NTM: variants seen among roughly 807,000 people sequenced by gnomAD.
NTM encodes the protein neurotrimin.
Under a neutral mutation model 42.1 loss-of-function variants are expected in NTM, and 13 were observed. That is an observed-to-expected ratio of 0.31 (90% CI 0.20 to 0.49). The LOEUF (loss-of-function observed/expected upper bound fraction) is 0.49. Among genes scored for constraint, NTM ranks in the 20% least tolerant of loss-of-function variants. NTM has a pLI of 0.99. For missense variants in NTM, 373 were observed against 452.8 expected (o/e 0.82, Z 1.60); for synonymous variants, 187 against 179.2 (o/e 1.04, Z -0.35).
chr11:131,503,698 C>CTTT (rs35447251), intron 1 of NTM, among the ~76,000 whole-genome samples: 1 of 151,190 alleles, frequency 6.6e-6, no homozygotes, highest in African/African-American at 2.4e-5. Context: ...AATTGTTTCT[C>CTTT]TTTTTTTTGT....
chr11:132,139,200 G>C (rs1415388298), intron 2 of NTM, among the ~76,000 whole-genome samples: 2 of 152,156 alleles, frequency 1.3e-5, no homozygotes, highest in Non-Finnish European at 2.9e-5. Flanking sequence ...TGGTCACCTA[G>C]GGGAAAAAGG....
intron 1 of NTM, among the ~76,000 whole-genome samples, chr11:131,810,872 T>G (rs1346777746): frequency 6.6e-6 from 1 of 152,202 alleles, no homozygotes; most frequent in East Asian, 1.9e-4. Flanking sequence ...ATGGGCATCA[T>G]CTAGTCTAGT....
chr11:132,256,283 A>G (rs1045481993), intron 4 of NTM, among the ~76,000 whole-genome samples: 1 of 152,210 alleles, frequency 6.6e-6, no homozygotes, highest in African/African-American at 2.4e-5. Context: ...AGCATTACTG[A>G]CCAGACCACA....
intron 4 of NTM, among the ~76,000 whole-genome samples, chr11:132,217,691 G>A (rs1036798336): frequency 3.3e-5 from 5 of 151,960 alleles, no homozygotes; most frequent in Admixed American, 3.3e-4. Flanking sequence ...TCAGCTGCCA[G>A]ATCTCTTCCT....
intron 2 of NTM, among the ~76,000 whole-genome samples, chr11:132,134,755 A>ATATATCTC (rs2067541352): frequency 1.2e-5 from 1 of 80,226 alleles, no homozygotes. Flanking sequence ...ATATATATAT[A>ATATATCTC]TATATCTCAC....
intron 2 of NTM, among the ~76,000 whole-genome samples, chr11:132,044,150 G>A (rs1470472356): frequency 0.42 from 54,673 of 129,662 alleles, 12,645 homozygotes; most frequent in East Asian, 0.75. Context: ...GTATGTGCGT[G>A]TGTGTGTGTG....
In NTM at chr11:132,071,363, G is replaced by A. The variant is rs560805079; in HGVS notation, c.168-74919G>A. On this transcript the variant is annotated intron_variant, in intron 2 of 8. Coordinates refer to ENST00000683400, the MANE Select transcript of NTM (RefSeq NM_001352005.2). ...ACACGTCACTCAGCCAAGTTAACAC[G>A]TCACACTGACCATCACAGGTTAGTT... 9.1e-4 allele frequency among the ~76,000 whole-genome samples: 136 copies of A among 150,232 alleles called. 1 individual carries two copies. Among genetic ancestry groups the A allele is most frequent in the Non-Finnish European group, 8.4e-4 (57 of 67,644 alleles).
At chr11:132,186,423 C>G (rs1198815180) in intron 3 of NTM, among the ~76,000 whole-genome samples, 4 of 152,194 alleles carry the variant, frequency 2.6e-5, no homozygotes, top group Non-Finnish European at 5.9e-5. Context: ...AGTCTTGGAT[C>G]TCTAACGCAG....
chr11:131,517,548 C>T (rs2049048454), intron 1 of NTM, among the ~76,000 whole-genome samples: 1 of 152,104 alleles, frequency 6.6e-6, no homozygotes, highest in Admixed American at 6.5e-5. Context: ...TCAGATATGC[C>T]CTCTCCACAG....
intron 2 of NTM, among the ~76,000 whole-genome samples, chr11:132,068,074 C>T (rs1351291945): frequency 2.6e-5 from 4 of 152,174 alleles, no homozygotes; most frequent in Non-Finnish European, 5.9e-5. Context: ...GATATCCATT[C>T]ATATCCAAGG....
At chr11:131,999,522 G>A (rs1315719235) in intron 2 of NTM, among the ~76,000 whole-genome samples, 1 of 152,198 alleles carries the variant, frequency 6.6e-6, no homozygotes, top group African/African-American at 2.4e-5. Context: ...ATGTGAGGAA[G>A]ACTCCACCAC....
intron 1 of NTM, among the ~76,000 whole-genome samples, chr11:131,761,531 CG>C (rs1205731639): frequency 6.6e-6 from 1 of 152,042 alleles, no homozygotes; most frequent in Admixed American, 6.6e-5. Context: ...AAGCCGGGCA[CG>C]GTGGCTCACG....
At chr11:131,483,979 T>G (rs139033428) in intron 1 of NTM, among the ~76,000 whole-genome samples, 4 of 152,308 alleles carry the variant, frequency 2.6e-5, no homozygotes, top group African/African-American at 9.6e-5. Context: ...TGTGTGAACA[T>G]CTCACTGGCT....
intron 1 of NTM, among the ~76,000 whole-genome samples, chr11:131,578,625 T>C (rs534141772): frequency 1.1e-4 from 17 of 152,302 alleles, no homozygotes; most frequent in Middle Eastern, 6.8e-3. Context: ...AGACTCAAAC[T>C]ATATGAAATT....
intron 1 of NTM, among the ~76,000 whole-genome samples, chr11:131,757,526 C>T (rs538026969): frequency 6.6e-6 from 1 of 152,168 alleles, no homozygotes; most frequent in African/African-American, 2.4e-5. Flanking sequence ...TCTCTTCCTG[C>T]CCTTCTAGAA....
At chr11:132,118,192 TA>T (rs1170979940) in intron 2 of NTM, among the ~76,000 whole-genome samples, 1 of 152,174 alleles carries the variant, frequency 6.6e-6, no homozygotes, top group Non-Finnish European at 1.5e-5. Flanking sequence ...GTTGAGCAGA[TA>T]AGCTTTTTTT....
intron 2 of NTM, among the ~76,000 whole-genome samples, chr11:132,052,801 G>GTGTGTA (rs1194802021): frequency 6.6e-6 from 1 of 151,658 alleles, no homozygotes; most frequent in Non-Finnish European, 1.5e-5. Flanking sequence ...GTGTGTGTGT[G>GTGTGTA]TGTAAATGCT....
chr11:131,494,294 G>A (rs112217496), intron 1 of NTM, among the ~76,000 whole-genome samples: 9 of 152,308 alleles, frequency 5.9e-5, no homozygotes, highest in African/African-American at 2.2e-4. Context: ...ACCCCCAGGA[G>A]CTATGATCAG....
intron 1 of NTM, among the ~76,000 whole-genome samples, chr11:131,756,811 A>C (rs1019806845): frequency 1.3e-5 from 2 of 152,228 alleles, no homozygotes; most frequent in South Asian, 4.1e-4. Context: ...ACCATAACAC[A>C]TAGTCCTAGG....
Sources: allele counts gnomAD v4.1 joint callset (sites outside exome capture counted in the v4.1 genomes callset), GRCh38; gene constraint gnomAD v4.1.1; transcripts MANE v1.5; gene names NCBI Gene and HGNC (gene_info 2026-07-23, HGNC 2026-07-21).